Variants in RCL1 observed in about 807,000 individuals in gnomAD.
The protein encoded by RCL1 is RNA terminal phosphate cyclase like 1.
In RCL1, 24 loss-of-function variants were observed where a neutral mutation model predicts 42.4. That is an observed-to-expected ratio of 0.57 (90% CI 0.41 to 0.80). The LOEUF (loss-of-function observed/expected upper bound fraction) is 0.80, where lower values mean the gene tolerates loss of function less well. RCL1 is among the 30% of genes least tolerant of loss of function. RCL1 has a pLI of 0.00. For missense variants in RCL1, 578 were observed against 467.9 expected (o/e 1.24, Z -2.17); for synonymous variants, 228 against 177.3 (o/e 1.29, Z -2.27).
intron 1 of RCL1, among the ~76,000 whole-genome samples, chr9:4,817,352 T>A (rs1019125704): frequency 1.3e-5 from 2 of 152,080 alleles, no homozygotes; most frequent in African/African-American, 4.8e-5. Flanking sequence ...TCTTTTTAAT[T>A]AATTATATGT....
rs758453636 is a variant in RCL1, at chr9:4,844,589, C to T, written c.775C>T (p.Leu259=). ...CAGTGGCACCTTCCTCAGTGCTGAACTGGCCTCCAACCCCCAGGGCCAGGG... is the reference window on the plus strand; with the variant it reads ...CAGTGGCACCTTCCTCAGTGCTGAATTGGCCTCCAACCCCCAGGGCCAGGG... ...TTSGTFLSAE[L]ASNPQGQGAA... Residue 259 remains leucine, a synonymous_variant, in exon 7 of 9, where the codon CTG becomes TTG. Transcript: ENST00000381750. The T allele has an allele frequency of 6.2e-7, 1 of 1,614,094 alleles. No individual in the cohort carries two copies. Among genetic ancestry groups the T allele is most frequent in the Admixed American group, 1.7e-5 (1 of 60,020 alleles).
In RCL1 at chr9:4,845,717, G is replaced by A. The variant is rs534199132; in HGVS notation, c.867+1036G>A. Reference sequence around the variant, plus strand: ...CCAGGAAAGGCTCTGAAGGATGGTCGTTTCTCTGCTCTGTGTGTTAGGTCC... The same window carrying A: ...CCAGGAAAGGCTCTGAAGGATGGTCATTTCTCTGCTCTGTGTGTTAGGTCC... On this transcript the variant is annotated intron_variant, in intron 7 of 8. Coordinates refer to ENST00000381750, the MANE Select transcript of RCL1 (RefSeq NM_005772.5). 2.6e-5 allele frequency among the ~76,000 whole-genome samples: 4 copies of A among 152,314 alleles called. No homozygotes were observed. In the South Asian group the frequency reaches 6.2e-4, roughly 24 times the overall value.
intron 1 of RCL1, among the ~76,000 whole-genome samples, chr9:4,822,219 C>T (rs952103289): frequency 6.6e-6 from 1 of 152,148 alleles, no homozygotes; most frequent in Admixed American, 6.6e-5. Context: ...ATCCACTCAC[C>T]CTTTGGGATC....
chr9:4,819,907 A>C (rs1173214436), intron 1 of RCL1, among the ~76,000 whole-genome samples: 2 of 152,212 alleles, frequency 1.3e-5, no homozygotes, highest in East Asian at 3.8e-4. Context: ...TGTACAAATA[A>C]AAAAATGCAT....
Position 4,860,265 on chromosome 9 carries a change from C to T in RCL1, c.1112C>T (p.Thr371Ile), listed in dbSNP as rs367798221. The T allele has an allele frequency of 6.2e-7, 1 of 1,612,862 alleles. No homozygotes were observed. The highest frequency in any genetic ancestry group is 1.7e-5 in the Admixed American group (1 of 59,714). Residue 371 changes from threonine to isoleucine, a missense_variant, in exon 9 of 9, where the codon ACC becomes ATC. Transcript: ENST00000381750. ...ATTGGTTTCTCCAACCTTAGCAAGA[C>T]CCTCAAGTGATAACCATCACAAGAT... ...VGIGFSNLSK[T>I]LK is the part of the protein sequence containing the mutation.
In RCL1 at chr9:4,860,991, A is replaced by T. The variant is rs1818157491; in HGVS notation, c.*716A>T. 1 of 152,186 alleles carries T rather than the reference A, an allele frequency of 6.6e-6. No individual in the cohort carries two copies. Among genetic ancestry groups the T allele is most frequent in the Non-Finnish European group, 1.5e-5 (1 of 68,042 alleles). 9.4% of individuals were successfully genotyped at this position (152,186 alleles called of 1,614,324 possible). On this transcript the variant is annotated 3_prime_UTR_variant, in exon 9 of 9. Coordinates refer to ENST00000381750, the MANE Select transcript of RCL1 (RefSeq NM_005772.5). ...GCTCTGTGATGTAAGTGCTATCTCCATGAGAAAATTCATAAAGGGTGTTTT... is the reference window on the plus strand; with the variant it reads ...GCTCTGTGATGTAAGTGCTATCTCCTTGAGAAAATTCATAAAGGGTGTTTT...
At chr9:4,824,345 C>G (rs1816688557) in intron 2 of RCL1, among the ~76,000 whole-genome samples, 1 of 149,670 alleles carries the variant, frequency 6.7e-6, no homozygotes, top group African/African-American at 2.5e-5. Flanking sequence ...TCAGCAACAT[C>G]ATGCTCTTCA....
chr9:4,799,473 A>C (rs1246688690), intron 1 of RCL1, among the ~76,000 whole-genome samples: 1 of 152,204 alleles, frequency 6.6e-6, no homozygotes, highest in East Asian at 1.9e-4. Flanking sequence ...ACATTGATAC[A>C]GTGAGATACA....
Position 4,849,434 on chromosome 9 carries a change from T to C in RCL1, c.868-13T>C, listed in dbSNP as rs752931998. The C allele has an allele frequency of 1.2e-5, 20 of 1,601,430 alleles. No homozygotes were observed. In the South Asian group the frequency reaches 2.1e-4, roughly 17 times the overall value. On this transcript the variant is annotated splice_polypyrimidine_tract_variant and intron_variant, in intron 7 of 8. Transcript: ENST00000381750. ...ATTTTCTGGTTTGTACAATTATTAA[T>C]TTGTGTTTACAGGGTGGATGCGTAG...
chr9:4,793,035 G>T lies in RCL1; in HGVS notation c.-57G>T. 6.4e-7 allele frequency: 1 copy of T among 1,555,688 alleles called. No homozygotes were observed. The highest frequency in any genetic ancestry group is 8.7e-7 in the Non-Finnish European group (1 of 1,148,120). On this transcript the variant is annotated 5_prime_UTR_variant, in exon 1 of 9. Coordinates refer to ENST00000381750, the MANE Select transcript of RCL1 (RefSeq NM_005772.5). ...CACCACCATCGGAGTCACGAGTCCCGCGTCTGTCCGAAGTCGCCGCTCTCG... is the reference window on the plus strand; with the variant it reads ...CACCACCATCGGAGTCACGAGTCCCTCGTCTGTCCGAAGTCGCCGCTCTCG...
At chr9:4,857,168 A>T (rs1465677084) in intron 8 of RCL1, among the ~76,000 whole-genome samples, 2 of 152,228 alleles carry the variant, frequency 1.3e-5, no homozygotes, top group East Asian at 1.9e-4. Context: ...GTATTCACAG[A>T]CTTGTGTAAC....
intron 1 of RCL1, among the ~76,000 whole-genome samples, chr9:4,802,652 A>C (rs749533360): frequency 1.3e-5 from 2 of 152,206 alleles, no homozygotes; most frequent in Non-Finnish European, 2.9e-5. Flanking sequence ...TTATTTACAA[A>C]TATACGGAAG....
intron 7 of RCL1, among the ~76,000 whole-genome samples, chr9:4,846,161 A>G (rs1213395449): frequency 6.6e-6 from 1 of 152,186 alleles, no homozygotes; most frequent in African/African-American, 2.4e-5. Flanking sequence ...TGTTCTTGAA[A>G]ATGTCTCATT....
At chr9:4,846,062 G>A (rs1324804191) in intron 7 of RCL1, among the ~76,000 whole-genome samples, 4 of 152,202 alleles carry the variant, frequency 2.6e-5, no homozygotes, top group Non-Finnish European at 4.4e-5. Context: ...GTAGGGTAAA[G>A]CCTGACTAGC....
chr9:4,793,959 G>A (rs1587686868), intron 1 of RCL1, among the ~76,000 whole-genome samples: 1 of 152,196 alleles, frequency 6.6e-6, no homozygotes, highest in Middle Eastern at 3.4e-3. Flanking sequence ...AAAGAAATAG[G>A]CCCATTTAAA....
intron 1 of RCL1, among the ~76,000 whole-genome samples, chr9:4,815,566 C>T (rs1816343397): frequency 6.6e-6 from 1 of 151,774 alleles, no homozygotes; most frequent in Admixed American, 6.6e-5. Flanking sequence ...TGGCACCATG[C>T]TGAAAGGTAC....
chr9:4,822,808 CT>C (rs2130998286), intron 1 of RCL1, among the ~76,000 whole-genome samples: 1 of 151,946 alleles, frequency 6.6e-6, no homozygotes, highest in East Asian at 1.9e-4. Context: ...GCAACAAACC[CT>C]GTCTCTTAAA....
chr9:4,819,724 T>A (rs1816522264), intron 1 of RCL1, among the ~76,000 whole-genome samples: 1 of 152,200 alleles, frequency 6.6e-6, no homozygotes, highest in Admixed American at 6.5e-5. Flanking sequence ...AGAGAATCGC[T>A]TGAACCCGGG....
At chr9:4,813,154 T>C (rs148737034) in intron 1 of RCL1, among the ~76,000 whole-genome samples, 38 of 152,256 alleles carry the variant, frequency 2.5e-4, no homozygotes, top group African/African-American at 9.1e-4. Flanking sequence ...TTGTTCCAGA[T>C]CTTAGAGGAA....
Sources: allele counts gnomAD v4.1 joint callset (sites outside exome capture counted in the v4.1 genomes callset), GRCh38; gene constraint gnomAD v4.1.1; transcripts MANE v1.5; gene names NCBI Gene and HGNC (gene_info 2026-07-23, HGNC 2026-07-21).